Variants in ZFAT observed in about 807,000 individuals in gnomAD.
ZFAT encodes the protein zinc finger and AT-hook domain containing, also known as zinc finger protein ZFAT.
In ZFAT, 64 loss-of-function variants were observed where a neutral mutation model predicts 117.7. That is an observed-to-expected ratio of 0.54 (90% CI 0.44 to 0.67). The LOEUF (loss-of-function observed/expected upper bound fraction) is 0.67, where lower values mean the gene tolerates loss of function less well. ZFAT is among the 30% of genes least tolerant of loss of function. The pLI is 0.00. For missense variants in ZFAT, 1,433 were observed against 1,584.5 expected (o/e 0.90, Z 1.62); for synonymous variants, 679 against 615.0 (o/e 1.10, Z -1.54).
chr8:134,611,121 G>T (rs934275112), intron 3 of ZFAT, among the ~76,000 whole-genome samples: 1 of 152,268 alleles, frequency 6.6e-6, no homozygotes, highest in Non-Finnish European at 1.5e-5. Flanking sequence ...GCCCCACCGT[G>T]CAGGGGGAGA....
chr8:134,517,703 T>A (rs974880063), intron 13 of ZFAT, among the ~76,000 whole-genome samples: 1 of 152,226 alleles, frequency 6.6e-6, no homozygotes, highest in Non-Finnish European at 1.5e-5. Flanking sequence ...CATGCCTCCG[T>A]TGTCTCCTCC....
chr8:134,747,375 C>A, the ZFAT span, among the ~76,000 whole-genome samples: 1 of 152,162 alleles, frequency 6.6e-6, no homozygotes, highest in Non-Finnish European at 1.5e-5. Flanking sequence ...CAGGCATGAG[C>A]CACTGCACTC....
chr8:134,808,021 A>G, the ZFAT span, among the ~76,000 whole-genome samples: 1 of 152,224 alleles, frequency 6.6e-6, no homozygotes, highest in Non-Finnish European at 1.5e-5. Flanking sequence ...ACATTTTCTC[A>G]TCCTTATGCA....
chr8:134,812,618 C>T, the ZFAT span, among the ~76,000 whole-genome samples: 5 of 152,070 alleles, frequency 3.3e-5, no homozygotes, highest in African/African-American at 9.7e-5. Context: ...ACCTGTAATC[C>T]CAGATACTCA....
At chr8:134,791,103 C>A in the ZFAT span, among the ~76,000 whole-genome samples, 1 of 152,180 alleles carries the variant, frequency 6.6e-6, no homozygotes, top group South Asian at 2.1e-4. Flanking sequence ...ACATTTCATT[C>A]ATTCCTTTAT....
chr8:134,494,941 G>T (rs185141576), intron 15 of ZFAT, among the ~76,000 whole-genome samples: 13 of 152,248 alleles, frequency 8.5e-5, no homozygotes, highest in African/African-American at 3.1e-4. Context: ...AAAGACACCA[G>T]CTCCTGCTCT....
chr8:134,671,954 C>G (rs946075574), intron 1 of ZFAT, among the ~76,000 whole-genome samples: 2 of 152,184 alleles, frequency 1.3e-5, no homozygotes, highest in African/African-American at 4.8e-5. Flanking sequence ...TTCTTATACA[C>G]CAATAACGGA....
At chr8:134,763,483 C>T in the ZFAT span, among the ~76,000 whole-genome samples, 1 of 152,194 alleles carries the variant, frequency 6.6e-6, no homozygotes, top group Non-Finnish European at 1.5e-5. Flanking sequence ...CACTTGACCT[C>T]CCTAACTAAA....
At chr8:134,624,209 C>T (rs1016296395) in intron 3 of ZFAT, among the ~76,000 whole-genome samples, 1 of 152,032 alleles carries the variant, frequency 6.6e-6, no homozygotes, top group African/African-American at 2.4e-5. Flanking sequence ...CACACACACA[C>T]ACACACACAC....
chr8:134,581,483 G>C (rs574630878), intron 10 of ZFAT, among the ~76,000 whole-genome samples: 1 of 152,154 alleles, frequency 6.6e-6, no homozygotes, highest in Non-Finnish European at 1.5e-5. Flanking sequence ...ATTTTGCGAC[G>C]TGACAAAACT....
At chr8:134,622,872 T>C (rs1829227129) in intron 3 of ZFAT, among the ~76,000 whole-genome samples, 1 of 152,150 alleles carries the variant, frequency 6.6e-6, no homozygotes, top group Non-Finnish European at 1.5e-5. Flanking sequence ...GGTGTTCTGG[T>C]GACTTCTCTC....
the ZFAT span, among the ~76,000 whole-genome samples, chr8:134,822,460 CTCATCT>C: frequency 2.0e-5 from 3 of 152,106 alleles, no homozygotes; most frequent in African/African-American, 7.2e-5. Flanking sequence ...ATCCCAGCCC[CTCATCT>C]TCAACTCACA....
At chr8:134,740,416 A>G in the ZFAT span, among the ~76,000 whole-genome samples, 1 of 152,204 alleles carries the variant, frequency 6.6e-6, no homozygotes, top group African/African-American at 2.4e-5. Flanking sequence ...TAAACAATGA[A>G]TTACTGGTTT....
chr8:134,694,984 C>G (rs184442149), intron 1 of ZFAT, among the ~76,000 whole-genome samples: 1 of 152,232 alleles, frequency 6.6e-6, no homozygotes, highest in East Asian at 1.9e-4. Context: ...AAAAAAAACA[C>G]GAAAATGAAG....
the ZFAT span, among the ~76,000 whole-genome samples, chr8:134,781,294 T>A: frequency 2.0e-5 from 3 of 152,240 alleles, no homozygotes; most frequent in African/African-American, 4.8e-5. Context: ...CTTAATTTTT[T>A]AATTTTTTTT....
chr8:134,747,141 T>G, the ZFAT span, among the ~76,000 whole-genome samples: 4 of 152,112 alleles, frequency 2.6e-5, no homozygotes, highest in African/African-American at 9.7e-5. Flanking sequence ...CAGGTTGGAG[T>G]GCAGTGGCAT....
chr8:134,612,767 T>A (rs1828435996), intron 3 of ZFAT, among the ~76,000 whole-genome samples: 1 of 152,174 alleles, frequency 6.6e-6, no homozygotes. Flanking sequence ...CAGAACTGCA[T>A]CACTCTCCAA....
upstream of ZFAT, among the ~76,000 whole-genome samples, chr8:134,713,222 G>A (rs1239308707): frequency 1.3e-5 from 2 of 152,142 alleles, no homozygotes; most frequent in Admixed American, 6.5e-5. Context: ...GCCCAGGGAG[G>A]GGCCCTCGGG....
chr8:134,601,999 G>T lies in ZFAT; in HGVS notation c.1720C>A (p.Pro574Thr). Residue 574 changes from proline to threonine, a missense_variant, in exon 6 of 16, where the codon CCC becomes ACC. Physicochemically the swap from Pro to Thr is conservative, Grantham distance 38. Coordinates refer to ENST00000377838, the MANE Select transcript of ZFAT (RefSeq NM_020863.4). Reference sequence around the variant, plus strand: ...ACCACGGTGGTTTCCAGCTCACAGGGTGGCAGGGCTGTGCTTTCGGCCTGC... The same window carrying T: ...ACCACGGTGGTTTCCAGCTCACAGGTTGGCAGGGCTGTGCTTTCGGCCTGC... Reference protein sequence around the residue: ...SPQAESTALPPCELETTVVSS... With the variant: ...SPQAESTALPTCELETTVVSS... The T allele has an allele frequency of 6.2e-7, 1 of 1,613,340 alleles. No homozygotes were observed. Among genetic ancestry groups the T allele is most frequent in the Non-Finnish European group, 8.5e-7 (1 of 1,179,874 alleles).
Sources: gnomAD v4.1 joint callset for allele counts (sites outside exome capture counted in the v4.1 genomes callset) on GRCh38, gnomAD v4.1.1 for gene constraint, MANE v1.5 for transcripts, NCBI Gene and HGNC (gene_info 2026-07-23, HGNC 2026-07-21) for gene names.